DGKQ: variants seen among roughly 807,000 people sequenced by gnomAD.
The protein encoded by DGKQ is diacylglycerol kinase theta.
A neutral mutation model predicts 104.2 loss-of-function variants in DGKQ; 97 were observed. The observed-to-expected ratio is 0.93, with a 90% confidence interval of 0.79 to 1.10. DGKQ has a LOEUF of 1.10. Ranked by LOEUF, DGKQ falls within the 50% of genes least tolerant of loss-of-function variation. The pLI is 0.00. For synonymous variants in DGKQ, 736 were observed against 595.2 expected (o/e 1.24, Z -3.44); for missense variants, 1,465 against 1,352.1 (o/e 1.08, Z -1.31).
Position 966,717 on chromosome 4 carries a change from CCGCCACGCCCAGCA to C in DGKQ, c.1366+17_1366+30del. On this transcript the variant is annotated intron_variant, in intron 11 of 22. Coordinates refer to ENST00000273814, the MANE Select transcript of DGKQ (RefSeq NM_001347.4). Reference sequence around the variant, plus strand: ...GGTCCAAACCCAAAAGGTGCAGGGACCGCCACGCCCAGCACGGGCTGTCTACTCACCGTGCCTGC... The same window carrying C: ...GGTCCAAACCCAAAAGGTGCAGGGACCGGGCTGTCTACTCACCGTGCCTGC... 6.3e-7 allele frequency: 1 copy of C among 1,593,804 alleles called. No individual in the cohort carries two copies. The highest frequency in any genetic ancestry group is 8.5e-7 in the Non-Finnish European group (1 of 1,169,872).
chr4:967,014 T>A lies in DGKQ; in HGVS notation c.1261A>T (p.Ser421Cys). 2 of 1,564,458 alleles carry A rather than the reference T, an allele frequency of 1.3e-6. No homozygotes were observed. Among genetic ancestry groups the A allele is most frequent in the Non-Finnish European group, 1.7e-6 (2 of 1,156,576 alleles). ...AYVSVRVTPK[S>C]TARSVVLEVL... is the part of the protein sequence containing the mutation. Reference sequence around the variant, plus strand: ...TCCAGCACCACAGAGCGGGCCGTGCTCTTCGGGGTCACTCGCACGGACACG... The same window carrying A: ...TCCAGCACCACAGAGCGGGCCGTGCACTTCGGGGTCACTCGCACGGACACG... The change falls in exon 10 of 23, where the codon AGC (serine) becomes TGC (cysteine). Residue 421 changes from serine to cysteine, a missense_variant. Transcript: ENST00000273814.
At position 965,967 on chromosome 4, in the gene DGKQ, C is replaced by A; in HGVS notation, c.1540G>T (p.Glu514Ter). The change falls in exon 13 of 23, where the codon GAG (glutamate) becomes TAG (stop). Residue 514 changes from glutamate (E) to a stop codon, truncating the protein, a stop_gained. Coordinates refer to ENST00000273814, the MANE Select transcript of DGKQ (RefSeq NM_001347.4). LOFTEE classifies it high-confidence loss of function. ...GGLPPGLSPE[E>*]YSSLLHEAGA... The stretch of plus-strand genomic sequence containing the variant: ...GCCTCATGCAGCAGGCTGCTGTACT[C>A]CTCGGGAGACAGGCCGGGAGGCAGG... 1 of 1,605,416 alleles carries A rather than the reference C, an allele frequency of 6.2e-7. No individual in the cohort carries two copies. The highest frequency in any genetic ancestry group is 2.2e-5 in the East Asian group (1 of 44,646).
At position 961,716 on chromosome 4, in the gene DGKQ, C is replaced by G; in HGVS notation, c.2434G>C (p.Glu812Gln). Residue 812 changes from glutamate to glutamine, a missense_variant, in exon 20 of 23, where the codon GAA (glutamate) becomes CAA (glutamine). Glu to Gln is a conservative substitution (Grantham distance 29). Transcript: ENST00000273814. ...GGGATGTTGATGAAGATGAGGCCTT[C>G]AATACTGGGCAGCTCCACCTCCTGC... Reference protein sequence around the residue: ...ERQEVELPSIEGLIFINIPSW... With the variant: ...ERQEVELPSIQGLIFINIPSW... The G allele has an allele frequency of 6.2e-7, 1 of 1,612,700 alleles. No homozygotes were observed. Among genetic ancestry groups the G allele is most frequent in the Non-Finnish European group, 8.5e-7 (1 of 1,179,920 alleles).
At position 967,115 on chromosome 4, in the gene DGKQ, G is replaced by T; in HGVS notation, c.1220+14C>A. 6.4e-7 allele frequency: 1 copy of T among 1,565,418 alleles called. No individual in the cohort carries two copies. The highest frequency in any genetic ancestry group is 2.4e-5 in the East Asian group (1 of 42,478). On this transcript the variant is annotated intron_variant, in intron 9 of 22. Coordinates refer to ENST00000273814, the MANE Select transcript of DGKQ (RefSeq NM_001347.4). ...CCCCGCCCAGCAGACCCTGAGCCTC[G>T]GGCCCAGTCTCACTTGAGCCAGCCA...
chr4:960,534 TG>T lies in DGKQ; in HGVS notation c.*85del. The T allele has an allele frequency of 7.9e-7, 1 of 1,271,104 alleles. No individual in the cohort carries two copies. The highest frequency in any genetic ancestry group is 1.1e-6 in the Non-Finnish European group (1 of 887,198). The allele number at this position is 1,271,104 out of a possible 1,614,324, so 78.7% of individuals were successfully genotyped here. A position where few individuals can be genotyped will look rare whatever the true frequency, so the allele number is the denominator to read the frequency against. ...TCCGACCACAGGGCCGGCCACTGTGTGGACGTGGAGCTGCCTCCAGACCACC... is the reference window on the plus strand; with the variant it reads ...TCCGACCACAGGGCCGGCCACTGTGTGACGTGGAGCTGCCTCCAGACCACC... On this transcript the variant is annotated 3_prime_UTR_variant, in exon 23 of 23. Transcript: ENST00000273814.
chr4:966,310 AC>A (rs1712332382), intron 12 of DGKQ, 155 bp downstream of exon 12: 1 of 895,862 alleles, frequency 1.1e-6, no homozygotes, highest in South Asian at 1.6e-5. Context: ...CCCTGCAGGG[AC>A]CAAGTAGCTC....
chr4:972,071 C>T (rs1018431310), intron 1 of DGKQ, among the ~76,000 whole-genome samples: 4 of 152,088 alleles, frequency 2.6e-5, no homozygotes, highest in Admixed American at 6.5e-5. Flanking sequence ...GCCTGCTCAC[C>T]CCACGCCCCA....
At position 965,532 on chromosome 4, in the gene DGKQ, G is replaced by A. The variant is rs1712241389; in HGVS notation, c.1580-3C>T. The A allele has an allele frequency of 6.2e-7, 1 of 1,611,614 alleles. No individual in the cohort carries two copies. Among genetic ancestry groups the A allele is most frequent in the Non-Finnish European group, 8.5e-7 (1 of 1,179,452 alleles). On this transcript the variant is annotated splice_region_variant and splice_polypyrimidine_tract_variant and intron_variant, in intron 13 of 22. Coordinates refer to ENST00000273814, the MANE Select transcript of DGKQ (RefSeq NM_001347.4). Reference sequence around the variant, plus strand: ...GTGACTCACGGACACCACGGTGGCTGCAAAGGCAGGCTGTGGTCAGGGCGG... The same window carrying A: ...GTGACTCACGGACACCACGGTGGCTACAAAGGCAGGCTGTGGTCAGGGCGG...
chr4:967,186 A>T lies in DGKQ; in HGVS notation c.1163T>A (p.Val388Asp). 6.3e-7 allele frequency: 1 copy of T among 1,598,890 alleles called. No homozygotes were observed. Among genetic ancestry groups the T allele is most frequent in the Non-Finnish European group, 8.5e-7 (1 of 1,173,640 alleles). ...GSGEATPEAW[V>D]IRALPRAQEV... ...CTGGGCCCGCGGCAGAGCCCGGATG[A>T]CCCAGGCCTCTGGCGTGGCCTCGCC... The change falls in exon 9 of 23, where the codon GTC (valine) becomes GAC (aspartate). Residue 388 changes from valine (V) to aspartate (D), a missense_variant. Val to Asp is a radical substitution (Grantham distance 152). Coordinates refer to ENST00000273814, the MANE Select transcript of DGKQ (RefSeq NM_001347.4).
rs920307057 is a variant in DGKQ, at chr4:968,882, C to G, written c.380G>C (p.Arg127Pro). 4 of 1,600,146 alleles carry G rather than the reference C, an allele frequency of 2.5e-6. No individual in the cohort carries two copies. In the Admixed American group the frequency reaches 5.1e-5, roughly 20 times the overall value. ...RVPVAHCFGPRGLHKRKFCAV... is the reference protein window; with the variant it reads ...RVPVAHCFGPPGLHKRKFCAV... ...ACAGAACTTGCGCTTGTGGAGCCCCCGGGGGCCGAAGCAGTGGGCTACAGG... is the reference window on the plus strand; with the variant it reads ...ACAGAACTTGCGCTTGTGGAGCCCCGGGGGGCCGAAGCAGTGGGCTACAGG... The change falls in exon 3 of 23, where the codon CGG becomes CCG. Residue 127 changes from arginine to proline, a missense_variant. By Grantham distance (103) the Arg-to-Pro change is moderately radical (BLOSUM62 -2). Transcript: ENST00000273814.
In DGKQ at chr4:968,017, AG is replaced by A; in HGVS notation, c.673del (p.Leu225SerfsTer76). ...CEWCGVQAHS[L>X]CSAALAPECG... ...CTCGGGAGCCAGCGCCGCGGAGCAG[AG>A]GGAGTGCGCCTGGGGGGAGAAGGGC... is the stretch of plus-strand genomic sequence containing the variant. On this transcript the variant is annotated frameshift_variant, in exon 6 of 23. Coordinates refer to ENST00000273814, the MANE Select transcript of DGKQ (RefSeq NM_001347.4). LOFTEE classifies it high-confidence loss of function. 2 of 1,435,696 alleles carry A rather than the reference AG, an allele frequency of 1.4e-6. No homozygotes were observed. Among genetic ancestry groups the A allele is most frequent in the Non-Finnish European group, 1.8e-6 (2 of 1,103,470 alleles). 88.9% of individuals were successfully genotyped at this position (1,435,696 alleles called of 1,614,324 possible). A position where few individuals can be genotyped will look rare whatever the true frequency, so the allele number is the denominator to read the frequency against.
chr4:963,358 G>A, intron 15 of DGKQ, 68 bp from the exon 16 acceptor site: 3 of 1,463,222 alleles, frequency 2.1e-6, no homozygotes, highest in South Asian at 1.2e-5. Context: ...GGGGTTGCCA[G>A]GCAGTGCCCA....
intron 2 of DGKQ, among the ~76,000 whole-genome samples, chr4:969,902 C>T (rs987562057): frequency 3.3e-5 from 5 of 152,226 alleles, no homozygotes; most frequent in Non-Finnish European, 5.9e-5. Context: ...TGAGCCACAG[C>T]GCCCGGCCGT....
At chr4:972,124 C>A (rs148428439) in intron 1 of DGKQ, among the ~76,000 whole-genome samples, 1 of 152,124 alleles carries the variant, frequency 6.6e-6, no homozygotes, top group East Asian at 1.9e-4. Context: ...CTTCCCATAC[C>A]GCTGCTGGCC....
rs931550190 is a variant in DGKQ, at chr4:971,200, G to A, written c.272-128C>T. 7 of 664,776 alleles carry A rather than the reference G, an allele frequency of 1.1e-5. No individual in the cohort carries two copies. Among genetic ancestry groups the A allele is most frequent in the African/African-American group, 1.8e-5 (1 of 55,952 alleles). 41.2% of individuals were successfully genotyped at this position (664,776 alleles called of 1,614,324 possible). ...CTGCACCAGGGGCCCTGTGGTCCTC[G>A]AGTTCCCCCACCACCCTGCCCACTC... On this transcript the variant is annotated intron_variant, in intron 1 of 22. Coordinates refer to ENST00000273814, the MANE Select transcript of DGKQ (RefSeq NM_001347.4). The surrounding 1 kb of genome is among the most constrained non-coding windows in gnomAD (Gnocchi z 4.0).
rs1712925621 is a variant in DGKQ, at chr4:971,462, T to A, written c.272-390A>T. On this transcript the variant is annotated intron_variant, in intron 1 of 22. Transcript: ENST00000273814. The surrounding 1 kb of genome is among the most constrained non-coding windows in gnomAD (Gnocchi z 4.0). The stretch of plus-strand genomic sequence containing the variant: ...CGGCAGATTGGCTTTACCAAGGACA[T>A]CTGTGTCTCACTCCCCCGAAACTAC... Among the ~76,000 whole-genome samples, 1 of 152,112 alleles carries A rather than the reference T, an allele frequency of 6.6e-6. No homozygotes were observed. The highest frequency in any genetic ancestry group is 1.5e-5 in the Non-Finnish European group (1 of 67,996).
Position 965,936 on chromosome 4 carries a change from GC to G in DGKQ, c.1570del (p.Ala524LeufsTer9). ...EYSSLLHEAG[A>X]TKATVVSVSH... ...AGCCACAGTGGTCACACCTTTGGTA[GC>G]CCCGGCCTCATGCAGCAGGCTGCTG... On this transcript the variant is annotated frameshift_variant, in exon 13 of 23. Transcript: ENST00000273814. LOFTEE classifies it high-confidence loss of function. The G allele has an allele frequency of 6.2e-7, 1 of 1,601,760 alleles. No individual in the cohort carries two copies. The highest frequency in any genetic ancestry group is 1.1e-5 in the South Asian group (1 of 89,254).
Position 962,440 on chromosome 4 carries a change from G to T in DGKQ, c.2209C>A (p.Pro737Thr). Residue 737 changes from proline (P) to threonine (T), a missense_variant, in exon 18 of 23, where the codon CCC (proline) becomes ACC (threonine). By Grantham distance (38) the Pro-to-Thr change is conservative. Coordinates refer to ENST00000273814, the MANE Select transcript of DGKQ (RefSeq NM_001347.4). ...AENDTADAEP[P>T]KIVQMSNYCG... Reference sequence around the variant, plus strand: ...CACGCCGGGCTGCCCTGTACCTTGGGGGGCTCTGCGTCTGCCGTGTCGTTC... The same window carrying T: ...CACGCCGGGCTGCCCTGTACCTTGGTGGGCTCTGCGTCTGCCGTGTCGTTC... 1.9e-6 allele frequency: 3 copies of T among 1,574,028 alleles called. No individual in the cohort carries two copies. The highest frequency in any genetic ancestry group is 4.7e-5 in the East Asian group (2 of 42,840).
intron 12 of DGKQ, 175 bp from the exon 13 acceptor site, chr4:966,253 T>C: frequency 1.2e-6 from 1 of 851,884 alleles, no homozygotes; most frequent in Non-Finnish European, 1.8e-6. Flanking sequence ...GGACAACCCC[T>C]GTCCGTTCCC....
Sources: gnomAD v4.1 joint callset for allele counts (sites outside exome capture counted in the v4.1 genomes callset) on GRCh38, gnomAD v4.1.1 for gene constraint, Gnocchi (gnomAD v3.1) non-coding constraint, MANE v1.5 for transcripts, NCBI Gene and HGNC (gene_info 2026-07-23, HGNC 2026-07-21) for gene names.